The following GNAZ variants were observed in gnomAD, a reference collection of about 807,000 sequenced individuals.
GNAZ encodes the protein guanine nucleotide-binding protein G(z) subunit alpha.
In GNAZ, 3 loss-of-function variants were observed where a neutral mutation model predicts 25.4. The observed-to-expected ratio is 0.12, with a 90% CI of 0.05 to 0.30. GNAZ has a LOEUF of 0.30. GNAZ is among the 10% of genes least tolerant of loss of function. The pLI is 1.00. For missense variants in GNAZ, 241 were observed against 501.8 expected (o/e 0.48, Z 4.97); for synonymous variants, 211 against 205.7 (o/e 1.03, Z -0.22).
chr22:23,101,716 AC>A (rs1168083589), intron 2 of GNAZ, among the ~76,000 whole-genome samples: 1 of 152,118 alleles, frequency 6.6e-6, no homozygotes, highest in African/African-American at 2.4e-5. Flanking sequence ...AGTTATCATG[AC>A]CCTGGAACAG....
chr22:23,119,293 C>A (rs2146390980), intron 2 of GNAZ, among the ~76,000 whole-genome samples: 1 of 152,362 alleles, frequency 6.6e-6, no homozygotes, highest in Middle Eastern at 3.4e-3. Context: ...GGCCTGGCAA[C>A]ACCTTTCCCC....
chr22:23,120,309 C>T (rs918387274), intron 2 of GNAZ, among the ~76,000 whole-genome samples: 3 of 152,004 alleles, frequency 2.0e-5, no homozygotes, highest in Non-Finnish European at 2.9e-5. Context: ...GGGCCACAGT[C>T]AGGAGTGTTT....
At position 23,095,280 on chromosome 22, in the gene GNAZ, C is replaced by T. The variant is rs1034849274; in HGVS notation, c.-416C>T. 40 of 197,838 alleles carry T rather than the reference C, an allele frequency of 2.0e-4. No individual in the cohort carries two copies. Among genetic ancestry groups the T allele is most frequent in the Middle Eastern group, 2.3e-3 (1 of 440 alleles). The allele number at this position is 197,838 out of a possible 1,614,324, so 12.3% of individuals were successfully genotyped here. ...CTGGATGCACAGTGGGAGCCGGAGG[C>T]GGGGGGCTGCAGGGAGCACACCAGC... On this transcript the variant is annotated 5_prime_UTR_variant, in exon 2 of 3. Coordinates refer to ENST00000615612, the MANE Select transcript of GNAZ (RefSeq NM_002073.4).
chr22:23,117,949 A>C (rs989244422), intron 2 of GNAZ, among the ~76,000 whole-genome samples: 1 of 152,170 alleles, frequency 6.6e-6, no homozygotes. Context: ...CTGACCTGGG[A>C]ATGTCCTTCC....
rs1170791635 is a variant in GNAZ, at chr22:23,071,984, T to A, written c.-450+1414T>A. Among the ~76,000 whole-genome samples, 3 of 152,098 alleles carry A rather than the reference T, an allele frequency of 2.0e-5. No homozygotes were observed. The highest frequency in any genetic ancestry group is 4.4e-5 in the Non-Finnish European group (3 of 68,002). On this transcript the variant is annotated intron_variant, in intron 1 of 2. Transcript: ENST00000615612. The surrounding 1 kb of genome is among the most constrained non-coding windows in gnomAD (Gnocchi z 4.1). ...GAAGTGGAATGACCCCACTGCTGGT[T>A]AACTGTGGCTATGGTGGAGACCACG...
In GNAZ at chr22:23,071,764, C is replaced by T. The variant is rs906738317; in HGVS notation, c.-450+1194C>T. ...CCTGGGCTGGGGGGTCAGGTGAGCT[C>T]GTGGGCAACATGACATTTGAACTGG... On this transcript the variant is annotated intron_variant, in intron 1 of 2. Coordinates refer to ENST00000615612, the MANE Select transcript of GNAZ (RefSeq NM_002073.4). This position sits in a 1 kb window ranked among gnomAD's most constrained non-coding sequence, Gnocchi z 4.1. 2.0e-5 allele frequency among the ~76,000 whole-genome samples: 3 copies of T among 152,118 alleles called. No homozygotes were observed. Among genetic ancestry groups the T allele is most frequent in the Non-Finnish European group, 2.9e-5 (2 of 68,022 alleles).
At chr22:23,086,162 A>G (rs1248005732) in intron 1 of GNAZ, among the ~76,000 whole-genome samples, 2 of 152,266 alleles carry the variant, frequency 1.3e-5, no homozygotes, top group African/African-American at 4.8e-5. Flanking sequence ...AAGGCAGTCA[A>G]TTTAAAGAAA....
intron 1 of GNAZ, among the ~76,000 whole-genome samples, chr22:23,094,050 C>T (rs1035854569): frequency 1.3e-5 from 2 of 152,214 alleles, no homozygotes; most frequent in African/African-American, 2.4e-5. Context: ...ATGCTGGTCA[C>T]ACCCAGGAGT....
At chr22:23,103,146 T>G (rs1344703828) in intron 2 of GNAZ, among the ~76,000 whole-genome samples, 1 of 152,206 alleles carries the variant, frequency 6.6e-6, no homozygotes, top group Non-Finnish European at 1.5e-5. Flanking sequence ...AGCTGGCTCA[T>G]ACTGGCTCAC....
At chr22:23,104,967 C>A (rs947381193) in intron 2 of GNAZ, among the ~76,000 whole-genome samples, 1 of 152,220 alleles carries the variant, frequency 6.6e-6, no homozygotes. Flanking sequence ...GCATGTGGCT[C>A]CCGTCTGGAT....
intron 2 of GNAZ, among the ~76,000 whole-genome samples, chr22:23,110,801 G>A (rs577977461): frequency 6.6e-6 from 1 of 152,340 alleles, no homozygotes; most frequent in South Asian, 2.1e-4. Flanking sequence ...GGAGGCAGCT[G>A]TTGTCATTGA....
At chr22:23,100,114 G>A (rs2069252764) in intron 2 of GNAZ, among the ~76,000 whole-genome samples, 1 of 152,242 alleles carries the variant, frequency 6.6e-6, no homozygotes, top group African/African-American at 2.4e-5. Context: ...TGGACCTGCT[G>A]TGCAGGCTCA....
chr22:23,094,255 G>T (rs1448032554), intron 1 of GNAZ, among the ~76,000 whole-genome samples: 1 of 152,138 alleles, frequency 6.6e-6, no homozygotes, highest in South Asian at 2.1e-4. Flanking sequence ...GTGGGGCCTG[G>T]TGCCACCCTG....
At chr22:23,089,200 T>C (rs1401912776) in intron 1 of GNAZ, among the ~76,000 whole-genome samples, 1 of 152,190 alleles carries the variant, frequency 6.6e-6, no homozygotes, top group Non-Finnish European at 1.5e-5. Context: ...CTGATAAGTC[T>C]TCCCGCCCCT....
At chr22:23,101,886 C>T (rs951771520) in intron 2 of GNAZ, among the ~76,000 whole-genome samples, 1 of 152,222 alleles carries the variant, frequency 6.6e-6, no homozygotes, top group Non-Finnish European at 1.5e-5. Flanking sequence ...CCTCGCATGG[C>T]AGGCATGGAA....
intron 1 of GNAZ, among the ~76,000 whole-genome samples, chr22:23,076,723 A>T (rs1024681393): frequency 3.3e-5 from 5 of 152,344 alleles, no homozygotes; most frequent in Middle Eastern, 6.8e-3. Flanking sequence ...ATGTCTATGG[A>T]AAACTGTCCT....
intron 1 of GNAZ, among the ~76,000 whole-genome samples, chr22:23,088,071 A>G (rs1281409775): frequency 6.6e-6 from 1 of 152,248 alleles, no homozygotes; most frequent in Non-Finnish European, 1.5e-5. Context: ...ACACCCAGGA[A>G]TGAACAAGGA....
chr22:23,078,303 T>C (rs1467480284), intron 1 of GNAZ, among the ~76,000 whole-genome samples: 1 of 152,254 alleles, frequency 6.6e-6, no homozygotes, highest in Non-Finnish European at 1.5e-5. Context: ...TCTATTCATT[T>C]CCCTTAAACA....
intron 1 of GNAZ, 153 bp downstream of exon 1, chr22:23,070,723 G>A (rs1156406661): frequency 2.0e-5 from 3 of 152,264 alleles, no homozygotes; most frequent in Non-Finnish European, 2.9e-5. Context: ...CCCCTCAGGG[G>A]TGGGGGACAC....
Sources: gnomAD v4.1 joint callset for allele counts (sites outside exome capture counted in the v4.1 genomes callset) on GRCh38, gnomAD v4.1.1 for gene constraint, Gnocchi (gnomAD v3.1) non-coding constraint, MANE v1.5 for transcripts, NCBI Gene and HGNC (gene_info 2026-07-23, HGNC 2026-07-21) for gene names.